FER: variants seen among roughly 807,000 people sequenced by gnomAD.
FER encodes tyrosine-protein kinase Fer.
Under a neutral mutation model 111.0 loss-of-function variants are expected in FER, and 63 were observed. That is an observed-to-expected ratio of 0.57 (90% confidence interval 0.46 to 0.70). The LOEUF is 0.70. Among genes scored for constraint, FER ranks in the 30% least tolerant of loss-of-function variants. FER has a pLI of 0.00. For missense variants in FER, 914 were observed against 954.0 expected (o/e 0.96, Z 0.55); for synonymous variants, 327 against 313.9 (o/e 1.04, Z -0.44).
intron 16 of FER, among the ~76,000 whole-genome samples, chr5:109,049,395 C>G (rs1402861393): frequency 5.3e-5 from 8 of 152,114 alleles, no homozygotes; most frequent in Non-Finnish European, 1.2e-4. Flanking sequence ...GTCTAAAGTT[C>G]CTGTTTCTTT....
At chr5:109,009,573 T>C (rs1422227871) in intron 13 of FER, among the ~76,000 whole-genome samples, 1 of 151,450 alleles carries the variant, frequency 6.6e-6, no homozygotes, top group African/African-American at 2.4e-5. Context: ...TGGAAGAGTC[T>C]CACTACTCTT....
intron 13 of FER, among the ~76,000 whole-genome samples, chr5:109,022,223 T>C (rs1042246159): frequency 2.0e-5 from 3 of 151,706 alleles, no homozygotes; most frequent in Non-Finnish European, 4.4e-5. Context: ...AGCTAATGAC[T>C]GAAGTCTATT....
rs527696828 is a variant in FER, at chr5:108,946,318, A to G, written c.1329+96A>G. On this transcript the variant is annotated intron_variant, in intron 11 of 19. Coordinates refer to ENST00000281092, the MANE Select transcript of FER (RefSeq NM_005246.4). Reference sequence around the variant, plus strand: ...TATATATATATGTGTGTGTGTGTGTATATATATGTATATACATATATAAAT... The same window carrying G: ...TATATATATATGTGTGTGTGTGTGTGTATATATGTATATACATATATAAAT... The G allele has an allele frequency of 5.8e-4, 415 of 718,776 alleles. 4 individuals carry two copies. The South Asian group carries it at 7.1e-3, about 12-fold the overall frequency. The allele number at this position is 718,776 out of a possible 1,614,324, so 44.5% of individuals were successfully genotyped here.
At chr5:108,887,379 A>G (rs941150073) in intron 9 of FER, among the ~76,000 whole-genome samples, 4 of 151,668 alleles carry the variant, frequency 2.6e-5, no homozygotes, top group Non-Finnish European at 4.4e-5. Context: ...TTTGATTCCT[A>G]TAATTGAATA....
intron 15 of FER, among the ~76,000 whole-genome samples, chr5:109,045,750 TG>T (rs1474417253): frequency 3.9e-5 from 6 of 152,152 alleles, no homozygotes; most frequent in Admixed American, 2.0e-4. Context: ...GAAGGGGAAA[TG>T]GGAGGCCTGG....
chr5:108,759,494 C>A (rs1272445747), intron 1 of FER, among the ~76,000 whole-genome samples: 2 of 152,230 alleles, frequency 1.3e-5, no homozygotes, highest in Admixed American at 1.3e-4. Context: ...CATGCCACTT[C>A]TCTGGTACCA....
chr5:108,929,027 A>T (rs901617136), intron 10 of FER, among the ~76,000 whole-genome samples: 2 of 152,122 alleles, frequency 1.3e-5, no homozygotes, highest in African/African-American at 4.8e-5. Context: ...ATATGAGAAC[A>T]TTGAATATAT....
At chr5:109,119,623 A>G (rs1465801893) in intron 17 of FER, among the ~76,000 whole-genome samples, 1 of 152,024 alleles carries the variant, frequency 6.6e-6, no homozygotes, top group Non-Finnish European at 1.5e-5. Flanking sequence ...AAAGTCTCCT[A>G]TTATTATTGT....
intron 2 of FER, among the ~76,000 whole-genome samples, chr5:108,793,282 T>C (rs956746725): frequency 2.0e-5 from 3 of 152,182 alleles, no homozygotes; most frequent in African/African-American, 7.2e-5. Context: ...CTGGCTTATT[T>C]CACTTAACAT....
intron 13 of FER, among the ~76,000 whole-genome samples, chr5:108,985,685 A>G (rs1290619337): frequency 2.0e-5 from 3 of 152,008 alleles, no homozygotes; most frequent in East Asian, 1.9e-4. Flanking sequence ...AGAACATACG[A>G]TGTTTGGTTT....
intron 3 of FER, among the ~76,000 whole-genome samples, chr5:108,806,863 T>A (rs1223163366): frequency 6.6e-6 from 1 of 152,174 alleles, no homozygotes; most frequent in African/African-American, 2.4e-5. Flanking sequence ...GATTGTGGAC[T>A]TTTGAGTTAA....
At chr5:108,805,351 T>G (rs1757093070) in intron 3 of FER, among the ~76,000 whole-genome samples, 1 of 152,202 alleles carries the variant, frequency 6.6e-6, no homozygotes, top group South Asian at 2.1e-4. Flanking sequence ...CTCTTTCTTT[T>G]GTAAATTGGC....
intron 14 of FER, 90 bp from the exon 15 acceptor site, chr5:109,044,590 A>G: frequency 1.6e-6 from 1 of 617,824 alleles, no homozygotes; most frequent in Non-Finnish European, 2.8e-6. Context: ...GTAGGTAAGC[A>G]CCTCCTCCTC....
chr5:108,815,685 T>C (rs1014446773), intron 3 of FER, among the ~76,000 whole-genome samples: 17 of 152,146 alleles, frequency 1.1e-4, no homozygotes, highest in Admixed American at 3.3e-4. Context: ...TAAAAGGAAG[T>C]ATTGCCTTAC....
intron 13 of FER, among the ~76,000 whole-genome samples, chr5:108,986,133 G>T (rs1386566159): frequency 6.6e-6 from 1 of 151,952 alleles, no homozygotes; most frequent in Non-Finnish European, 1.5e-5. Flanking sequence ...GGCCACTCTT[G>T]TAGGAGTAAG....
intron 10 of FER, among the ~76,000 whole-genome samples, chr5:108,901,864 TTGTTTAAGG>T (rs1187593799): frequency 1.3e-5 from 2 of 152,196 alleles, no homozygotes; most frequent in Non-Finnish European, 2.9e-5. Flanking sequence ...GGTAAAAGGA[TTGTTTAAGG>T]TGTGTAGTTT....
At chr5:109,098,557 AC>A (rs1486555793) in intron 16 of FER, among the ~76,000 whole-genome samples, 1 of 151,738 alleles carries the variant, frequency 6.6e-6, no homozygotes, top group African/African-American at 2.4e-5. Flanking sequence ...CATATATCTA[AC>A]AAAAGAATTA....
intron 14 of FER, among the ~76,000 whole-genome samples, chr5:109,043,097 A>G (rs1347630640): frequency 6.6e-6 from 1 of 152,158 alleles, no homozygotes; most frequent in Non-Finnish European, 1.5e-5. Flanking sequence ...GACAAAAAGT[A>G]TTATGGAGGT....
chr5:109,086,138 T>G (rs561464764), intron 16 of FER, among the ~76,000 whole-genome samples: 2 of 151,900 alleles, frequency 1.3e-5, no homozygotes, highest in African/African-American at 4.8e-5. Flanking sequence ...TTTATAGAAT[T>G]TACCAATGAA....
Sources: gnomAD v4.1 joint callset for allele counts (sites outside exome capture counted in the v4.1 genomes callset) on GRCh38, gnomAD v4.1.1 for gene constraint, MANE v1.5 for transcripts, NCBI Gene and HGNC (gene_info 2026-07-23, HGNC 2026-07-21) for gene names.